Variants in CCDC60 observed in about 807,000 individuals in gnomAD.
CCDC60 encodes coiled-coil domain containing 60.
A neutral mutation model predicts 63.5 loss-of-function variants in CCDC60; 54 were observed. The observed-to-expected ratio is 0.85, with a 90% confidence interval of 0.68 to 1.07. CCDC60 has a LOEUF of 1.07. CCDC60 is among the 50% of genes least tolerant of loss of function. The probability of loss-of-function intolerance (pLI) is 0.00; values close to 1 mark genes in which losing one functional copy is unlikely to be tolerated. For synonymous variants in CCDC60, 206 were observed against 238.8 expected (o/e 0.86, Z 1.27); for missense variants, 651 against 684.3 (o/e 0.95, Z 0.54).
chr12:119,361,074 G>A (rs1233307391), intron 1 of CCDC60, among the ~76,000 whole-genome samples: 8 of 151,922 alleles, frequency 5.3e-5, no homozygotes, highest in Non-Finnish European at 1.2e-4. Flanking sequence ...GCAGTGAGCC[G>A]AGATGGCAGC....
At position 119,528,696 on chromosome 12, in the gene CCDC60, A is replaced by G. The variant is rs916574778; in HGVS notation, c.1311A>G (p.Arg437=). 1.5e-5 allele frequency: 25 copies of G among 1,613,992 alleles called. No individual in the cohort carries two copies. The Admixed American group carries it at 2.7e-4, about 17-fold the overall frequency. The stretch of plus-strand genomic sequence containing the variant: ...TTCAAAAGGACATAGCAAAAATGAG[A>G]CATCACATATCTGTAGTAAAAGGAG... ...SNFQKDIAKM[R]HHISVVKGDA... Residue 437 remains arginine, a synonymous_variant, in exon 12 of 14, where the codon AGA becomes AGG. Transcript: ENST00000327554.
chr12:119,496,768 G>T (rs1044644066), intron 5 of CCDC60, among the ~76,000 whole-genome samples: 1 of 152,174 alleles, frequency 6.6e-6, no homozygotes, highest in African/African-American at 2.4e-5. Context: ...AAGCAGTGGG[G>T]AAGACAGAGG....
chr12:119,366,331 A>G (rs984039516), intron 1 of CCDC60, among the ~76,000 whole-genome samples: 4 of 152,236 alleles, frequency 2.6e-5, no homozygotes, highest in African/African-American at 9.6e-5. Context: ...AGGAGACGAG[A>G]TAACATGTCC....
chr12:119,372,024 A>G (rs1358129850), intron 1 of CCDC60, among the ~76,000 whole-genome samples: 11 of 151,994 alleles, frequency 7.2e-5, no homozygotes, highest in Admixed American at 5.9e-4. Flanking sequence ...TTGGGAGGCC[A>G]AGGCGGGTGG....
At position 119,464,563 on chromosome 12, in the gene CCDC60, G is replaced by A. The variant is rs183699010; in HGVS notation, c.171-7431G>A. Among the ~76,000 whole-genome samples, 709 of 152,132 alleles carry A rather than the reference G, an allele frequency of 4.7e-3. 8 individuals are homozygous for A. Among genetic ancestry groups the A allele is most frequent in the African/African-American group, 0.016 (657 of 41,480 alleles). On this transcript the variant is annotated intron_variant, in intron 2 of 13. Transcript: ENST00000327554. ...CCCTCTCTTGGCCAAGGGAACCCCCGAAAAACCTTAAAAACTGACTTCTTG... is the reference window on the plus strand; with the variant it reads ...CCCTCTCTTGGCCAAGGGAACCCCCAAAAAACCTTAAAAACTGACTTCTTG...
intron 2 of CCDC60, chr12:119,429,457 A>G (rs1347547995): frequency 6.6e-6 from 1 of 152,216 alleles, no homozygotes; most frequent in Non-Finnish European, 1.5e-5. Context: ...AAAGCAACTC[A>G]AGACAGAGTA....
At chr12:119,475,708 T>C (rs1951162225) in intron 3 of CCDC60, among the ~76,000 whole-genome samples, 1 of 152,200 alleles carries the variant, frequency 6.6e-6, no homozygotes, top group Non-Finnish European at 1.5e-5. Flanking sequence ...CAAATCCCTG[T>C]ACCTCTCTGA....
chr12:119,399,035 A>G (rs1956339013), intron 1 of CCDC60, among the ~76,000 whole-genome samples: 1 of 152,230 alleles, frequency 6.6e-6, no homozygotes, highest in Admixed American at 6.5e-5. Flanking sequence ...CAGTGATGAC[A>G]GTGACCTGCA....
chr12:119,351,197 G>GT, intron 1 of CCDC60, among the ~76,000 whole-genome samples: 1 of 152,160 alleles, frequency 6.6e-6, no homozygotes, highest in Non-Finnish European at 1.5e-5. Flanking sequence ...AAATTGCTTC[G>GT]TAAGTGCCTC....
At chr12:119,451,720 G>A (rs1950639121) in intron 2 of CCDC60, among the ~76,000 whole-genome samples, 1 of 152,140 alleles carries the variant, frequency 6.6e-6, no homozygotes, top group Non-Finnish European at 1.5e-5. Context: ...TACACAGTCA[G>A]TGTCCAATAA....
At chr12:119,336,825 C>T (rs998127210) in intron 1 of CCDC60, among the ~76,000 whole-genome samples, 6 of 152,162 alleles carry the variant, frequency 3.9e-5, no homozygotes, top group African/African-American at 4.8e-5. Context: ...AAAGAAAAAT[C>T]GATACGTACT....
chr12:119,529,112 C>T (rs1952768960), intron 12 of CCDC60, among the ~76,000 whole-genome samples: 1 of 152,108 alleles, frequency 6.6e-6, no homozygotes, highest in African/African-American at 2.4e-5. Context: ...CACTGCATCC[C>T]CCCAAGTAAC....
At chr12:119,442,725 T>C (rs1950472208) in intron 2 of CCDC60, among the ~76,000 whole-genome samples, 1 of 152,270 alleles carries the variant, frequency 6.6e-6, no homozygotes. Context: ...TTCTATTTCA[T>C]TGTAAGAATG....
rs140737793 is a variant in CCDC60, at chr12:119,347,726, A to T, written c.90+12460A>T. On this transcript the variant is annotated intron_variant, in intron 1 of 13. Coordinates refer to ENST00000327554, the MANE Select transcript of CCDC60 (RefSeq NM_178499.5). ...CCATATATATGAATACCATTCTAAT[A>T]CTTACTATGTAAACTTGGGCAAGTT... Among the ~76,000 whole-genome samples, 775 of 152,276 alleles carry T rather than the reference A, an allele frequency of 5.1e-3. 12 individuals carry two copies. Among genetic ancestry groups the T allele is most frequent in the African/African-American group, 0.018 (733 of 41,564 alleles).
rs1566019364 is a variant in CCDC60, at chr12:119,456,003, G to GAGAAAGAA, written c.171-15990_171-15989insGAAAGAAA. 3.6e-3 allele frequency among the ~76,000 whole-genome samples: 235 copies of GAGAAAGAA among 64,976 alleles called. 13 individuals are homozygous for GAGAAAGAA. The highest frequency in any genetic ancestry group is 0.01 in the African/African-American group (171 of 16,328). 42.6% of individuals were successfully genotyped at this position (64,976 alleles called of 152,430 possible). A position where few individuals can be genotyped will look rare whatever the true frequency, so the allele number is the denominator to read the frequency against. On this transcript the variant is annotated intron_variant, in intron 2 of 13. Coordinates refer to ENST00000327554, the MANE Select transcript of CCDC60 (RefSeq NM_178499.5). The surrounding 1 kb of genome is among the most constrained non-coding windows in gnomAD (Gnocchi z 4.6). Reference sequence around the variant, plus strand: ...GGAGAGAGAAAGAGAGAGAGAAAGAGAAAGAAAGAAAGAAAGAAAGAAAGA... The same window carrying GAGAAAGAA: ...GGAGAGAGAAAGAGAGAGAGAAAGAGAGAAAGAAAAAGAAAGAAAGAAAGAAAGAAAGA...
intron 13 of CCDC60, among the ~76,000 whole-genome samples, chr12:119,535,928 G>A (rs530653841): frequency 4.1e-4 from 63 of 152,248 alleles, no homozygotes; most frequent in African/African-American, 1.2e-3. Flanking sequence ...ATGTCTATTA[G>A]GTCTGCTTGG....
At chr12:119,354,016 C>G (rs891471777) in intron 1 of CCDC60, among the ~76,000 whole-genome samples, 4 of 151,908 alleles carry the variant, frequency 2.6e-5, no homozygotes, top group Admixed American at 6.6e-5. Context: ...CTCACTCTCT[C>G]TCACCCTCTT....
In CCDC60 at chr12:119,528,526, G is replaced by A. The variant is rs1016816410; in HGVS notation, c.1230-89G>A. ...TAAGAAAAGCCTCATGAAGGAAAAG[G>A]TGTTTAAGTCAGATCTCAAAGGGCA... is the stretch of plus-strand genomic sequence containing the variant. On this transcript the variant is annotated intron_variant, in intron 11 of 13. Coordinates refer to ENST00000327554, the MANE Select transcript of CCDC60 (RefSeq NM_178499.5). 4.3e-6 allele frequency: 6 copies of A among 1,395,982 alleles called. No individual in the cohort carries two copies. The African/African-American group carries it at 4.3e-5, about 10-fold the overall frequency. The allele number at this position is 1,395,982 out of a possible 1,614,324, so 86.5% of individuals were successfully genotyped here.
chr12:119,363,729 C>G (rs1047238876), intron 1 of CCDC60, among the ~76,000 whole-genome samples: 1 of 152,080 alleles, frequency 6.6e-6, no homozygotes, highest in African/African-American at 2.4e-5. Flanking sequence ...TTTAGTATTT[C>G]TTGTAGTGCA....
Sources: allele counts gnomAD v4.1 joint callset (sites outside exome capture counted in the v4.1 genomes callset), GRCh38; gene constraint gnomAD v4.1.1; non-coding constraint Gnocchi (gnomAD v3.1); transcripts MANE v1.5; gene names NCBI Gene and HGNC (gene_info 2026-07-23, HGNC 2026-07-21).